The following TTC27 variants were observed in gnomAD, a reference collection of about 807,000 sequenced individuals.
TTC27 encodes tetratricopeptide repeat protein 27.
Under a neutral mutation model 115.9 loss-of-function variants are expected in TTC27, and 79 were observed. That is an observed-to-expected ratio of 0.68 (90% CI 0.57 to 0.82). TTC27 has a LOEUF of 0.82. Ranked by LOEUF, TTC27 falls within the 40% of genes least tolerant of loss-of-function variation. The probability of loss-of-function intolerance (pLI) is 0.00; values close to 1 mark genes in which losing one functional copy is unlikely to be tolerated. For missense variants in TTC27, 1,054 were observed against 993.1 expected, an observed-to-expected ratio of 1.06 and a Z score of -0.82; for synonymous variants, 401 against 356.0, an observed-to-expected ratio of 1.13 and a Z score of -1.42.
chr2:32,770,783 T>C (rs1401591667), intron 13 of TTC27, among the ~76,000 whole-genome samples: 2 of 152,246 alleles, frequency 1.3e-5, no homozygotes, highest in Non-Finnish European at 2.9e-5. Context: ...ATTTTAGCTT[T>C]TGAAAGGATA....
intron 4 of TTC27, among the ~76,000 whole-genome samples, chr2:32,641,564 C>T (rs1664649462): frequency 6.6e-6 from 1 of 152,254 alleles, no homozygotes. Flanking sequence ...ACCCCTGCTC[C>T]ATCTGATTGT....
At chr2:32,711,461 C>T (rs1173386581) in intron 10 of TTC27, among the ~76,000 whole-genome samples, 2 of 152,144 alleles carry the variant, frequency 1.3e-5, no homozygotes, top group South Asian at 2.1e-4. Flanking sequence ...TGCCAATTCC[C>T]CTGATTCAGA....
chr2:32,630,729 G>C (rs754349011), intron 2 of TTC27, 29 bp downstream of exon 2: 2 of 1,585,158 alleles, frequency 1.3e-6, no homozygotes, highest in South Asian at 2.3e-5. Flanking sequence ...TTTTCATAGA[G>C]GAACAGAGCA....
At chr2:32,641,666 G>A (rs958567694) in intron 4 of TTC27, among the ~76,000 whole-genome samples, 2 of 151,928 alleles carry the variant, frequency 1.3e-5, no homozygotes, top group Non-Finnish European at 2.9e-5. Flanking sequence ...AAATTTTTAA[G>A]AAATGCAATA....
At chr2:32,705,047 T>C in intron 10 of TTC27, 1 of 408,574 alleles carries the variant, frequency 2.4e-6, no homozygotes, top group Non-Finnish European at 5.1e-6. Context: ...GAAATGTGAT[T>C]CCCATTGTTG....
intron 16 of TTC27, among the ~76,000 whole-genome samples, chr2:32,794,189 CA>C: frequency 6.6e-6 from 1 of 152,160 alleles, no homozygotes; most frequent in Non-Finnish European, 1.5e-5. Flanking sequence ...CTAGGAGAGA[CA>C]ATATGATAGA....
At chr2:32,786,877 C>T (rs1052076476) in intron 15 of TTC27, 107 bp from the exon 16 acceptor site, 5 of 984,234 alleles carry the variant, frequency 5.1e-6, no homozygotes, top group African/African-American at 3.3e-5. Context: ...TTTATATGAA[C>T]GAATAAGGAC....
chr2:32,734,063 C>A, intron 11 of TTC27, 140 bp downstream of exon 11: 1 of 510,120 alleles, frequency 2.0e-6, no homozygotes, highest in Admixed American at 3.8e-5. Context: ...CTGGGAATTG[C>A]TAACTACTTC....
intron 13 of TTC27, among the ~76,000 whole-genome samples, chr2:32,771,586 A>G (rs1406389334): frequency 6.6e-6 from 1 of 152,256 alleles, no homozygotes; most frequent in Non-Finnish European, 1.5e-5. Context: ...AAGGGAAGAC[A>G]CTGAAATAGA....
At chr2:32,678,612 A>G (rs1005759742) in intron 8 of TTC27, among the ~76,000 whole-genome samples, 1 of 151,974 alleles carries the variant, frequency 6.6e-6, no homozygotes, top group Non-Finnish European at 1.5e-5. Flanking sequence ...TATTTTTAGT[A>G]GAGACAGGGT....
chr2:32,797,621 C>G (rs969400806), intron 16 of TTC27, among the ~76,000 whole-genome samples: 2 of 152,086 alleles, frequency 1.3e-5, no homozygotes, highest in Non-Finnish European at 2.9e-5. Flanking sequence ...CAAAATGAAT[C>G]AAATACTTAA....
chr2:32,745,142 CA>C (rs1244268709), intron 12 of TTC27, among the ~76,000 whole-genome samples: 1 of 147,470 alleles, frequency 6.8e-6, no homozygotes, highest in Non-Finnish European at 1.5e-5. Flanking sequence ...TTATGCAACA[CA>C]ATTTTTTAGT....
intron 16 of TTC27, among the ~76,000 whole-genome samples, chr2:32,789,781 C>G (rs903108207): frequency 6.6e-6 from 1 of 151,480 alleles, no homozygotes; most frequent in Admixed American, 6.6e-5. Context: ...AAAAATTCAG[C>G]TGGGCTTGGT....
At chr2:32,778,005 T>C (rs1198825043) in intron 14 of TTC27, 25 bp downstream of exon 14, 3 of 1,608,076 alleles carry the variant, frequency 1.9e-6, no homozygotes, top group Admixed American at 3.3e-5. Flanking sequence ...TCTTCTGTCC[T>C]TACGTGGCTC....
intron 2 of TTC27, among the ~76,000 whole-genome samples, chr2:32,631,605 C>G (rs1282159245): frequency 6.6e-6 from 1 of 152,062 alleles, no homozygotes; most frequent in Non-Finnish European, 1.5e-5. Context: ...CCATGTCAAG[C>G]TTTAATTATC....
chr2:32,817,189 T>G (rs751845955), intron 18 of TTC27, among the ~76,000 whole-genome samples: 2 of 150,676 alleles, frequency 1.3e-5, no homozygotes, highest in Non-Finnish European at 3.0e-5. Context: ...TTGAGGCCAG[T>G]AGTTCAAGGC....
At chr2:32,794,191 A>G (rs1301298519) in intron 16 of TTC27, among the ~76,000 whole-genome samples, 4 of 152,220 alleles carry the variant, frequency 2.6e-5, no homozygotes, top group African/African-American at 9.6e-5. Flanking sequence ...AGGAGAGACA[A>G]TATGATAGAT....
chr2:32,679,916 G>T (rs942883773), intron 9 of TTC27, among the ~76,000 whole-genome samples: 1 of 152,142 alleles, frequency 6.6e-6, no homozygotes. Context: ...ACCTCAACCC[G>T]GAAGGCGGAG....
intron 13 of TTC27, among the ~76,000 whole-genome samples, chr2:32,776,218 G>A (rs917908564): frequency 5.0e-4 from 76 of 152,152 alleles, no homozygotes; most frequent in African/African-American, 1.8e-3. Context: ...ATGGCAAAGC[G>A]TTAAATGGCC....
Sources: allele counts gnomAD v4.1 joint callset (sites outside exome capture counted in the v4.1 genomes callset), GRCh38; gene constraint gnomAD v4.1.1; transcripts MANE v1.5; gene names NCBI Gene and HGNC (gene_info 2026-07-23, HGNC 2026-07-21).